The following DYNLRB1 variants were observed in gnomAD, a reference collection of about 807,000 sequenced individuals.
DYNLRB1 encodes the protein ROBL/LC7-like 1.
DYNLRB1 carries 6 observed loss-of-function variants against 13.5 expected under a neutral mutation model. The ratio of observed to expected loss-of-function variants is 0.44; its 90% CI spans 0.24 to 0.88. DYNLRB1 has a LOEUF of 0.88. Among genes scored for constraint, DYNLRB1 ranks in the 40% least tolerant of loss-of-function variants. The pLI, the probability that DYNLRB1 is intolerant of heterozygous loss-of-function variation, is 0.21. For missense variants in DYNLRB1, 93 were observed against 127.2 expected (o/e 0.73, Z 1.29); for synonymous variants, 43 against 45.0 (o/e 0.96, Z 0.18).
intron 1 of DYNLRB1, among the ~76,000 whole-genome samples, chr20:34,525,189 C>A (rs370019047): frequency 6.6e-6 from 1 of 152,072 alleles, no homozygotes; most frequent in African/African-American, 2.4e-5. Context: ...ATCCCCCCCC[C>A]CATTTCTTTT....
rs142735783 is a variant in DYNLRB1, at chr20:34,540,770, C to T, written c.*146C>T. 0.011 allele frequency: 8,256 copies of T among 780,104 alleles called. 56 individuals are homozygous for T. Among genetic ancestry groups the T allele is most frequent in the Non-Finnish European group, 0.014 (6,859 of 489,636 alleles). The allele number at this position is 780,104 out of a possible 1,614,324, so 48.3% of individuals were successfully genotyped here. A position where few individuals can be genotyped will look rare whatever the true frequency, so the allele number is the denominator to read the frequency against. The stretch of plus-strand genomic sequence containing the variant: ...GACCGTGTGTGGGCTGGCGGCTCTT[C>T]TCCCCCACCAACGGAACCCCTGTGT... On this transcript the variant is annotated 3_prime_UTR_variant, in exon 4 of 4. Transcript: ENST00000357156.
chr20:34,528,984 A>C lies in DYNLRB1; in HGVS notation c.79+2641A>C, dbSNP rs981473545. On this transcript the variant is annotated intron_variant, in intron 2 of 3. Transcript: ENST00000357156. ...GCACAGAGCAAGACCTTGTCTCTTT[A>C]AAAAAAAAAAAACAAAAAGTAACAA... Among the ~76,000 whole-genome samples, 6 of 141,164 alleles carry C rather than the reference A, an allele frequency of 4.3e-5. No individual in the cohort carries two copies. The East Asian group carries it at 1.2e-3, about 28-fold the overall frequency. 92.6% of individuals were successfully genotyped at this position (141,164 alleles called of 152,430 possible).
At chr20:34,534,032 T>C (rs1300734657) in intron 2 of DYNLRB1, among the ~76,000 whole-genome samples, 1 of 143,906 alleles carries the variant, frequency 6.9e-6, no homozygotes, top group African/African-American at 2.6e-5. Context: ...TCCCAGATAC[T>C]TGGGAAACTG....
intron 1 of DYNLRB1, chr20:34,516,871 T>C: frequency 6.6e-7 from 1 of 1,526,272 alleles, no homozygotes; most frequent in Non-Finnish European, 8.8e-7. Context: ...CTCCCAGCTC[T>C]GTGAGGTAGA....
intron 1 of DYNLRB1, among the ~76,000 whole-genome samples, chr20:34,523,306 C>T (rs900916175): frequency 5.9e-5 from 9 of 152,192 alleles, no homozygotes; most frequent in Non-Finnish European, 8.8e-5. Context: ...CCACAGCAGC[C>T]AGAGCCGTCC....
chr20:34,530,081 C>A, intron 2 of DYNLRB1: 1 of 1,238,396 alleles, frequency 8.1e-7, no homozygotes, highest in Non-Finnish European at 1.0e-6. Flanking sequence ...ATTTTGACTC[C>A]AAGGAGACAA....
intron 1 of DYNLRB1, 128 bp downstream of exon 1, chr20:34,516,589 C>T: frequency 6.5e-7 from 1 of 1,533,734 alleles, no homozygotes; most frequent in Non-Finnish European, 8.8e-7. Context: ...CGTGGCCGGG[C>T]CCGGGCCCCA....
At position 34,517,627 on chromosome 20, in the gene DYNLRB1, CT is replaced by C. The variant is rs60155819; in HGVS notation, c.3+1185del. 2.3e-3 allele frequency among the ~76,000 whole-genome samples: 274 copies of C among 120,398 alleles called. 2 individuals are homozygous for C. The highest frequency in any genetic ancestry group is 6.3e-3 in the African/African-American group (209 of 33,044). 79.0% of individuals were successfully genotyped at this position (120,398 alleles called of 152,430 possible). A position where few individuals can be genotyped will look rare whatever the true frequency, so the allele number is the denominator to read the frequency against. ...CCATCACCTTAAACATTCATTATTT[CT>C]TTTTTTTTTTTTTTTTTTGAGATGG... On this transcript the variant is annotated intron_variant, in intron 1 of 3. Coordinates refer to ENST00000357156, the MANE Select transcript of DYNLRB1 (RefSeq NM_014183.4).
chr20:34,516,708 GGAAGA>G, intron 1 of DYNLRB1: 1 of 1,529,410 alleles, frequency 6.5e-7, no homozygotes. Flanking sequence ...GCCTCGGCCA[GGAAGA>G]GATGATGGGC....
chr20:34,540,435 A>G (rs1981487298), intron 3 of DYNLRB1, 146 bp from the exon 4 acceptor site: 3 of 760,108 alleles, frequency 3.9e-6, no homozygotes, highest in South Asian at 3.7e-5. Flanking sequence ...TTTTCCCAGC[A>G]TTTGGAGATG....
chr20:34,517,003 C>G, intron 1 of DYNLRB1: 2 of 1,243,434 alleles, frequency 1.6e-6, no homozygotes, highest in Non-Finnish European at 2.0e-6. Context: ...GGCCGCCACT[C>G]TGTCGGCGTG....
intron 1 of DYNLRB1, 139 bp downstream of exon 1, chr20:34,516,600 G>A: frequency 6.6e-7 from 1 of 1,520,022 alleles, no homozygotes; most frequent in Non-Finnish European, 8.8e-7. Flanking sequence ...CCGGGCCCCA[G>A]CCGACTTGAG....
At chr20:34,540,450 A>G in intron 3 of DYNLRB1, 131 bp from the exon 4 acceptor site, 1 of 830,614 alleles carries the variant, frequency 1.2e-6, no homozygotes, top group South Asian at 1.8e-5. Flanking sequence ...GAGATGCTGA[A>G]CGTTGATGCT....
At chr20:34,526,902 G>T (rs1261157985) in intron 2 of DYNLRB1, among the ~76,000 whole-genome samples, 2 of 152,068 alleles carry the variant, frequency 1.3e-5, no homozygotes, top group Non-Finnish European at 2.9e-5. Context: ...TGCTTTATTG[G>T]CTGGATAGTT....
chr20:34,529,752 T>C (rs906499107), intron 2 of DYNLRB1: 3 of 1,145,730 alleles, frequency 2.6e-6, no homozygotes, highest in African/African-American at 3.2e-5. Context: ...AAAATGTTGA[T>C]TTCCAAGTCA....
intron 2 of DYNLRB1, chr20:34,529,945 TC>T: frequency 7.0e-7 from 1 of 1,437,370 alleles, no homozygotes; most frequent in Non-Finnish European, 9.2e-7. Context: ...GCAACTCCTT[TC>T]CCCGCTTCAG....
chr20:34,523,981 G>T (rs1285074250), intron 1 of DYNLRB1, among the ~76,000 whole-genome samples: 1 of 151,924 alleles, frequency 6.6e-6, no homozygotes, highest in Admixed American at 6.6e-5. Context: ...TTCTTTCTGG[G>T]TTGATTGCAG....
chr20:34,526,806 C>T (rs1017794420), intron 2 of DYNLRB1, among the ~76,000 whole-genome samples: 7 of 152,188 alleles, frequency 4.6e-5, no homozygotes, highest in African/African-American at 1.7e-4. Flanking sequence ...TTAAGTGCCA[C>T]GACAATGTTC....
chr20:34,523,136 C>T (rs1212691216), intron 1 of DYNLRB1, among the ~76,000 whole-genome samples: 1 of 152,100 alleles, frequency 6.6e-6, no homozygotes, highest in East Asian at 1.9e-4. Flanking sequence ...AGAGAAGCCT[C>T]CTGCGGGCTC....
Sources: allele counts gnomAD v4.1 joint callset (sites outside exome capture counted in the v4.1 genomes callset), GRCh38; gene constraint gnomAD v4.1.1; transcripts MANE v1.5; gene names NCBI Gene and HGNC (gene_info 2026-07-23, HGNC 2026-07-21).